The following RSL1D1 variants were observed in gnomAD, a reference collection of about 807,000 sequenced individuals.
RSL1D1 encodes ribosomal L1 domain containing 1, also known as ribosomal L1 domain-containing protein 1.
In RSL1D1, 34 loss-of-function variants were observed where a neutral mutation model predicts 44.6. The observed-to-expected ratio is 0.76, with a 90% confidence interval of 0.58 to 1.02. The LOEUF is 1.02. Among genes scored for constraint, RSL1D1 ranks in the 50% least tolerant of loss-of-function variants. The probability of loss-of-function intolerance (pLI) is 0.00; values close to 1 mark genes in which losing one functional copy is unlikely to be tolerated. For synonymous variants in RSL1D1, 271 were observed against 207.4 expected, an observed-to-expected ratio of 1.31 and a Z score of -2.63; for missense variants, 767 against 568.1, an observed-to-expected ratio of 1.35 and a Z score of -3.56.
rs756209621 is a variant in RSL1D1, at chr16:11,847,735, G to A, written c.317C>T (p.Thr106Ile). The change falls in exon 3 of 9, where the codon ACT becomes ATT. Residue 106 changes from threonine (T) to isoleucine (I), a missense_variant. Coordinates refer to ENST00000571133, the MANE Select transcript of RSL1D1 (RefSeq NM_015659.3). ...ATAAAACTGTTCTGTCTTTTCAGGA[G>A]TTGAATTGGGTTCATCCTTCGTAAA... is the stretch of plus-strand genomic sequence containing the variant. Reference protein sequence around the residue: ...CLFTKDEPNSTPEKTEQFYRK... With the variant: ...CLFTKDEPNSIPEKTEQFYRK... 1.9e-6 allele frequency: 3 copies of A among 1,612,516 alleles called. No homozygotes were observed. Among genetic ancestry groups the A allele is most frequent in the South Asian group, 2.2e-5 (2 of 91,032 alleles).
chr16:11,842,047 C>T (rs1166435885), intron 5 of RSL1D1, 47 bp from the exon 6 acceptor site: 1 of 1,323,054 alleles, frequency 7.6e-7, no homozygotes, highest in Non-Finnish European at 1.1e-6. Context: ...AACCATTTTT[C>T]AAAATAAACC....
At position 11,837,125 on chromosome 16, in the gene RSL1D1, C is replaced by T. The variant is rs2053726488; in HGVS notation, c.*662G>A. 1 of 152,070 alleles carries T rather than the reference C, an allele frequency of 6.6e-6. No homozygotes were observed. The highest frequency in any genetic ancestry group is 1.5e-5 in the Non-Finnish European group (1 of 68,062). 9.4% of individuals were successfully genotyped at this position (152,070 alleles called of 1,614,324 possible). On this transcript the variant is annotated 3_prime_UTR_variant, in exon 9 of 9. Transcript: ENST00000571133. Reference sequence around the variant, plus strand: ...AGGAGCTGGGAGCACAGATGCATGCCACCATGCCACACTAATTTTTTTTTT... The same window carrying T: ...AGGAGCTGGGAGCACAGATGCATGCTACCATGCCACACTAATTTTTTTTTT...
intron 5 of RSL1D1, among the ~76,000 whole-genome samples, chr16:11,842,336 A>C (rs760370847): frequency 1.6e-4 from 24 of 148,784 alleles, no homozygotes; most frequent in East Asian, 5.8e-4. Context: ...GTCTGAAAAA[A>C]AAAACAAAAC....
rs941269420 is a variant in RSL1D1 at position 11,835,938 on chromosome 16, T to C, written c.*1849A>G. 1.3e-5 allele frequency: 2 copies of C among 152,124 alleles called. No individual in the cohort carries two copies. The highest frequency in any genetic ancestry group is 1.3e-4 in the Admixed American group (2 of 15,244). 9.4% of individuals were successfully genotyped at this position (152,124 alleles called of 1,614,324 possible). The stretch of plus-strand genomic sequence containing the variant: ...CGCACCATAATCTAAGCCCAGGGCA[T>C]AAAATCCCTCGTGGCTTGGATAAAA... On this transcript the variant is annotated 3_prime_UTR_variant, in exon 9 of 9. Coordinates refer to ENST00000571133, the MANE Select transcript of RSL1D1 (RefSeq NM_015659.3).
At position 11,835,943 on chromosome 16, in the gene RSL1D1, T is replaced by C. The variant is rs2053713699; in HGVS notation, c.*1844A>G. 6.6e-6 allele frequency: 1 copy of C among 152,076 alleles called. No homozygotes were observed. The highest frequency in any genetic ancestry group is 2.4e-5 in the African/African-American group (1 of 41,426). 9.4% of individuals were successfully genotyped at this position (152,076 alleles called of 1,614,324 possible). A position where few individuals can be genotyped will look rare whatever the true frequency, so the allele number is the denominator to read the frequency against. ...CATAATCTAAGCCCAGGGCATAAAATCCCTCGTGGCTTGGATAAAATCCAG... is the reference window on the plus strand; with the variant it reads ...CATAATCTAAGCCCAGGGCATAAAACCCCTCGTGGCTTGGATAAAATCCAG... On this transcript the variant is annotated 3_prime_UTR_variant, in exon 9 of 9. Coordinates refer to ENST00000571133, the MANE Select transcript of RSL1D1 (RefSeq NM_015659.3).
rs150396509 is a variant in RSL1D1 at position 11,850,835 on chromosome 16, G to A, written c.106-417C>T. Among the ~76,000 whole-genome samples the A allele has an allele frequency of 7.0e-3, 1,064 of 152,222 alleles. 15 individuals carry two copies. The highest frequency in any genetic ancestry group is 0.024 in the African/African-American group (1,014 of 41,534). The stretch of plus-strand genomic sequence containing the variant: ...TTCCCGAGTAGCTGAGATTACAGGC[G>A]CCCGCCACCACGCCCACCTAATTTT... On this transcript the variant is annotated intron_variant, in intron 1 of 8. Transcript: ENST00000571133.
chr16:11,851,379 C>T, intron 1 of RSL1D1, 29 bp downstream of exon 1: 1 of 1,608,136 alleles, frequency 6.2e-7, no homozygotes, highest in Middle Eastern at 1.7e-4. Context: ...CACACTGCTT[C>T]CAAGCCACCC....
chr16:11,845,473 A>T (rs1184400901), intron 5 of RSL1D1, among the ~76,000 whole-genome samples: 1 of 152,208 alleles, frequency 6.6e-6, no homozygotes, highest in African/African-American at 2.4e-5. Flanking sequence ...ATGTTCTCCA[A>T]GCATTCATCT....
intron 5 of RSL1D1, among the ~76,000 whole-genome samples, chr16:11,842,914 C>T (rs1015327971): frequency 3.0e-5 from 4 of 133,544 alleles, no homozygotes; most frequent in African/African-American, 1.2e-4. Flanking sequence ...TGCCACCACG[C>T]CCAGCTAATT....
intron 2 of RSL1D1, among the ~76,000 whole-genome samples, chr16:11,848,514 T>A (rs948100130): frequency 1.3e-5 from 2 of 152,148 alleles, no homozygotes; most frequent in Non-Finnish European, 2.9e-5. Context: ...TCCATAAACA[T>A]AATAACTCTT....
chr16:11,849,303 A>AT (rs1214437145), intron 2 of RSL1D1: 2 of 151,190 alleles, frequency 1.3e-5, no homozygotes, highest in Admixed American at 1.3e-4. Context: ...GGATCACTTG[A>AT]GTCAGGTCAG....
intron 2 of RSL1D1, among the ~76,000 whole-genome samples, chr16:11,848,867 T>C (rs928490425): frequency 1.3e-5 from 2 of 150,734 alleles, no homozygotes; most frequent in Non-Finnish European, 2.9e-5. Flanking sequence ...AACCTCTGCC[T>C]CCTGGGTTCA....
At chr16:11,840,777 G>C (rs568228237) in intron 7 of RSL1D1, among the ~76,000 whole-genome samples, 1 of 152,112 alleles carries the variant, frequency 6.6e-6, no homozygotes, top group East Asian at 1.9e-4. Context: ...TGCACATTAG[G>C]TGAACTGGTG....
At position 11,834,947 on chromosome 16, in the gene RSL1D1, C is replaced by A. The variant is rs544549807; in HGVS notation, c.*2840G>T. 2.0e-5 allele frequency: 3 copies of A among 152,024 alleles called. No homozygotes were observed. The highest frequency in any genetic ancestry group is 2.4e-5 in the African/African-American group (1 of 41,390). The allele number at this position is 152,024 out of a possible 1,614,324, so 9.4% of individuals were successfully genotyped here. On this transcript the variant is annotated 3_prime_UTR_variant, in exon 9 of 9. Coordinates refer to ENST00000571133, the MANE Select transcript of RSL1D1 (RefSeq NM_015659.3). Reference sequence around the variant, plus strand: ...GGAACACAGGGAAAACCCATCTCTACGCAAGACGTAAAAACTGGCCAGCTG... The same window carrying A: ...GGAACACAGGGAAAACCCATCTCTAAGCAAGACGTAAAAACTGGCCAGCTG...
chr16:11,846,841 A>T lies in RSL1D1; in HGVS notation c.387T>A (p.Ile129=). The part of the protein sequence containing the change: ...NKHGIKTVSQ[I]ISLQTLKKEY... Reference sequence around the variant, plus strand: ...CCTTCTTTAGAGTTTGGAGGGAGATAATCTAGGAAGTATAGAGAAGAATAA... The same window carrying T: ...CCTTCTTTAGAGTTTGGAGGGAGATTATCTAGGAAGTATAGAGAAGAATAA... The change falls in exon 4 of 9, where the codon ATT becomes ATA. Residue 129 remains isoleucine, a splice_region_variant and synonymous_variant. Coordinates refer to ENST00000571133, the MANE Select transcript of RSL1D1 (RefSeq NM_015659.3). 2 of 1,605,186 alleles carry T rather than the reference A, an allele frequency of 1.2e-6. No homozygotes were observed. Among genetic ancestry groups the T allele is most frequent in the Non-Finnish European group, 1.7e-6 (2 of 1,172,380 alleles).
chr16:11,847,617 G>T, intron 3 of RSL1D1, 51 bp downstream of exon 3: 1 of 1,453,120 alleles, frequency 6.9e-7, no homozygotes, highest in Non-Finnish European at 9.4e-7. Flanking sequence ...ATACCATTTC[G>T]CCTGAATTAA....
intron 7 of RSL1D1, 123 bp downstream of exon 7, chr16:11,841,572 A>G: frequency 1.1e-6 from 1 of 881,596 alleles, no homozygotes; most frequent in South Asian, 1.8e-5. Context: ...TGACAAAAGC[A>G]CAACCACCAC....
chr16:11,839,870 T>A lies in RSL1D1; in HGVS notation c.971A>T (p.Glu324Val), dbSNP rs199498282. The change falls in exon 8 of 9, where the codon GAA becomes GTA. Residue 324 changes from glutamate (E) to valine (V), a missense_variant. Coordinates refer to ENST00000571133, the MANE Select transcript of RSL1D1 (RefSeq NM_015659.3). ...TTTCTTCACTGTAGTATCACCACTT[T>A]CAGGTGCCACATCATCTTTACTAAG... ...SVLSKDDVAPESGDTTVKKPE... is the reference protein window; with the variant it reads ...SVLSKDDVAPVSGDTTVKKPE... 1.2e-6 allele frequency: 2 copies of A among 1,614,060 alleles called. No homozygotes were observed. The highest frequency in any genetic ancestry group is 1.7e-6 in the Non-Finnish European group (2 of 1,180,050).
chr16:11,841,816 C>T lies in RSL1D1; in HGVS notation c.734G>A (p.Trp245Ter). 1 of 1,613,208 alleles carries T rather than the reference C, an allele frequency of 6.2e-7. No homozygotes were observed. The highest frequency in any genetic ancestry group is 8.5e-7 in the Non-Finnish European group (1 of 1,179,798). ...KGLSEKLPEK[W>*]ESVKLLFVKT... is the part of the protein sequence containing the mutation. The stretch of plus-strand genomic sequence containing the variant: ...CACAAACAGGAGTTTCACGCTCTCC[C>T]ACTTCTGAAACAAAGAAAAGAGTAA... Residue 245 changes from tryptophan to a stop codon, truncating the protein, a stop_gained, in exon 7 of 9, where the codon TGG (tryptophan) becomes TAG (stop). Transcript: ENST00000571133. LOFTEE classifies it high-confidence loss of function.
Sources: allele counts gnomAD v4.1 joint callset (sites outside exome capture counted in the v4.1 genomes callset), GRCh38; gene constraint gnomAD v4.1.1; transcripts MANE v1.5; gene names NCBI Gene and HGNC (gene_info 2026-07-23, HGNC 2026-07-21).